EFCAB6: variants seen among roughly 807,000 people sequenced by gnomAD.
EFCAB6 encodes EF-hand calcium binding domain 6, also known as EF-hand calcium-binding domain-containing protein 6.
EFCAB6 carries 156 observed loss-of-function variants against 169.8 expected under a neutral mutation model. The ratio of observed to expected loss-of-function variants is 0.92; its 90% CI spans 0.81 to 1.05. The LOEUF (loss-of-function observed/expected upper bound fraction) is 1.05. Among genes scored for constraint, EFCAB6 ranks in the 50% least tolerant of loss-of-function variants. EFCAB6 has a pLI of 0.00. For missense variants in EFCAB6, 1,800 were observed against 1,829.1 expected, an observed-to-expected ratio of 0.98 and a Z score of 0.29; for synonymous variants, 698 against 676.4, an observed-to-expected ratio of 1.03 and a Z score of -0.50.
Position 43,634,595 on chromosome 22 carries a change from G to A in EFCAB6, c.2098+507C>T, listed in dbSNP as rs375950189. On this transcript the variant is annotated intron_variant, in intron 18 of 31. Transcript: ENST00000262726. ...TTGTCCACCAAAATGTCTTTGGTGT[G>A]TGAGAAAGCAGCATCACTGAGTGGA... is the stretch of plus-strand genomic sequence containing the variant. Among the ~76,000 whole-genome samples, 6 of 151,620 alleles carry A rather than the reference G, an allele frequency of 4.0e-5. No homozygotes were observed. The East Asian group carries it at 7.8e-4, about 20-fold the overall frequency.
At chr22:43,624,151 AG>A (rs1355634339) in intron 20 of EFCAB6, among the ~76,000 whole-genome samples, 1 of 152,062 alleles carries the variant, frequency 6.6e-6, no homozygotes, top group Non-Finnish European at 1.5e-5. Flanking sequence ...CCTCCTTTCA[AG>A]GCTGCTGGGG....
chr22:43,629,166 G>A (rs1405139417), intron 19 of EFCAB6, among the ~76,000 whole-genome samples: 5 of 152,220 alleles, frequency 3.3e-5, no homozygotes. Flanking sequence ...CTGGACTCCA[G>A]GGACAAGCTA....
At chr22:43,666,504 C>T (rs2057255047) in intron 17 of EFCAB6, among the ~76,000 whole-genome samples, 1 of 152,122 alleles carries the variant, frequency 6.6e-6, no homozygotes, top group Non-Finnish European at 1.5e-5. Context: ...GAAATGCTTT[C>T]CTTAAAAATA....
At chr22:43,747,469 A>C (rs2060606183) in intron 6 of EFCAB6, among the ~76,000 whole-genome samples, 1 of 152,174 alleles carries the variant, frequency 6.6e-6, no homozygotes, top group Non-Finnish European at 1.5e-5. Context: ...GAGGGAAAGG[A>C]AAGTCGAAGT....
chr22:43,557,140 A>T (rs2048755208), intron 26 of EFCAB6, among the ~76,000 whole-genome samples: 1 of 152,184 alleles, frequency 6.6e-6, no homozygotes, highest in African/African-American at 2.4e-5. Context: ...CCTGGGTCTG[A>T]GTCTAGACTC....
chr22:43,605,203 C>T (rs1176345818), intron 22 of EFCAB6, among the ~76,000 whole-genome samples: 1 of 152,240 alleles, frequency 6.6e-6, no homozygotes, highest in Admixed American at 6.5e-5. Context: ...CTTCTAACCA[C>T]ACAAACTGCC....
chr22:43,666,075 A>T (rs1360905980), intron 17 of EFCAB6, among the ~76,000 whole-genome samples: 1 of 152,242 alleles, frequency 6.6e-6, no homozygotes, highest in African/African-American at 2.4e-5. Context: ...GGCGTGAGCT[A>T]CCACACCTAG....
At chr22:43,770,928 GA>G (rs55815179) in intron 4 of EFCAB6, among the ~76,000 whole-genome samples, 132,030 of 150,434 alleles carry the variant, frequency 0.88, 57,916 homozygotes, top group East Asian at 0.99. Flanking sequence ...TTTTAAGTCA[GA>G]AAAAAAAAAG....
At chr22:43,610,965 A>G (rs890560432) in intron 21 of EFCAB6, among the ~76,000 whole-genome samples, 1 of 152,246 alleles carries the variant, frequency 6.6e-6, no homozygotes, top group Non-Finnish European at 1.5e-5. Context: ...ACAGAGAATC[A>G]CAATTTACTG....
intron 10 of EFCAB6, among the ~76,000 whole-genome samples, chr22:43,697,860 G>C (rs1476178089): frequency 6.6e-6 from 1 of 152,130 alleles, no homozygotes; most frequent in Non-Finnish European, 1.5e-5. Context: ...TTGTCACACT[G>C]TTCCCAAAGA....
intron 26 of EFCAB6, among the ~76,000 whole-genome samples, chr22:43,558,646 A>G (rs2048848512): frequency 6.6e-6 from 1 of 152,322 alleles, no homozygotes; most frequent in South Asian, 2.1e-4. Flanking sequence ...AGCCTTCAGC[A>G]ACCATCGACA....
intron 8 of EFCAB6, among the ~76,000 whole-genome samples, chr22:43,723,372 T>C (rs1194551419): frequency 6.6e-6 from 1 of 152,166 alleles, no homozygotes; most frequent in African/African-American, 2.4e-5. Context: ...TTGGGTGCTA[T>C]GCTCACTACC....
At chr22:43,659,926 C>G (rs2056922759) in intron 17 of EFCAB6, among the ~76,000 whole-genome samples, 1 of 152,198 alleles carries the variant, frequency 6.6e-6, no homozygotes, top group East Asian at 1.9e-4. Flanking sequence ...GAGCTGAAAT[C>G]TGGGACACAG....
chr22:43,571,909 G>T (rs139323160), intron 26 of EFCAB6, among the ~76,000 whole-genome samples: 9 of 152,194 alleles, frequency 5.9e-5, no homozygotes, highest in Admixed American at 3.3e-4. Context: ...GGATTTACTC[G>T]TCCTCCTGGT....
intron 8 of EFCAB6, among the ~76,000 whole-genome samples, chr22:43,721,314 A>C (rs1168941749): frequency 6.6e-6 from 1 of 152,216 alleles, no homozygotes; most frequent in East Asian, 1.9e-4. Flanking sequence ...AAAGCAATGA[A>C]CAGATTCCAC....
intron 9 of EFCAB6, 153 bp downstream of exon 9, chr22:43,716,695 T>C (rs1856039926): frequency 2.6e-6 from 2 of 777,150 alleles, no homozygotes; most frequent in South Asian, 3.5e-5. Flanking sequence ...TGTATTGCTG[T>C]TATTGGGAGG....
intron 17 of EFCAB6, among the ~76,000 whole-genome samples, chr22:43,662,615 G>A (rs1569338435): frequency 6.6e-6 from 1 of 152,124 alleles, no homozygotes; most frequent in Non-Finnish European, 1.5e-5. Context: ...TAGGGGAAGA[G>A]GAGGGCAAGA....
intron 13 of EFCAB6, 46 bp downstream of exon 13, chr22:43,677,950 C>A: frequency 1.3e-6 from 2 of 1,559,966 alleles, no homozygotes; most frequent in Non-Finnish European, 8.7e-7. Context: ...ACTGAAATTT[C>A]CCAACATAAA....
At chr22:43,801,205 C>T (rs2062698996) in intron 2 of EFCAB6, among the ~76,000 whole-genome samples, 1 of 152,168 alleles carries the variant, frequency 6.6e-6, no homozygotes, top group Non-Finnish European at 1.5e-5. Context: ...AGAAAAGACA[C>T]TGTCATCCAA....
Sources: allele counts gnomAD v4.1 joint callset (sites outside exome capture counted in the v4.1 genomes callset), GRCh38; gene constraint gnomAD v4.1.1; transcripts MANE v1.5; gene names NCBI Gene and HGNC (gene_info 2026-07-23, HGNC 2026-07-21).